Variants in NEBL observed in about 807,000 individuals in gnomAD.
NEBL encodes the protein LIM and SH3 protein 2.
Under a neutral mutation model 140.2 loss-of-function variants are expected in NEBL, and 122 were observed. That is an observed-to-expected ratio of 0.87 (90% CI 0.75 to 1.01). NEBL has a LOEUF of 1.01. Among genes scored for constraint, NEBL ranks in the 50% least tolerant of loss-of-function variants. The probability of loss-of-function intolerance (pLI) is 0.00; values close to 1 mark genes in which losing one functional copy is unlikely to be tolerated. For missense variants in NEBL, 1,365 were observed against 1,231.3 expected (o/e 1.11, Z -1.62); for synonymous variants, 436 against 398.9 (o/e 1.09, Z -1.11).
chr10:21,004,046 T>C (rs962052962), intron 3 of NEBL, among the ~76,000 whole-genome samples: 1 of 152,220 alleles, frequency 6.6e-6, no homozygotes, highest in Non-Finnish European at 1.5e-5. Context: ...GAATGCATTG[T>C]AACCTGAAAT....
chr10:20,791,906 C>T (rs549112404), intron 26 of NEBL, among the ~76,000 whole-genome samples: 1 of 152,010 alleles, frequency 6.6e-6, no homozygotes, highest in Admixed American at 6.6e-5. Flanking sequence ...CTTTGTATGC[C>T]ATCATTTAAT....
chr10:21,161,407 C>T (rs1353149005), intron 2 of NEBL, among the ~76,000 whole-genome samples: 1 of 151,972 alleles, frequency 6.6e-6, no homozygotes, highest in Non-Finnish European at 1.5e-5. Flanking sequence ...ATTCAGACAG[C>T]CAAAAGAACT....
At chr10:20,812,435 A>C (rs1268652816) in intron 24 of NEBL, among the ~76,000 whole-genome samples, 1 of 151,236 alleles carries the variant, frequency 6.6e-6, no homozygotes, top group Non-Finnish European at 1.5e-5. Flanking sequence ...CTCGTCATTT[A>C]CATTAGGTGT....
At chr10:21,125,807 A>C (rs1838797481) in intron 2 of NEBL, 11 of 1,566,622 alleles carry the variant, frequency 7.0e-6, no homozygotes, top group African/African-American at 2.7e-5. Flanking sequence ...GGTATAAGAC[A>C]GTGTCCTTCA....
In NEBL at chr10:21,236,889, CT is replaced by C. The variant is rs376388218; in HGVS notation, n.348+11031del. ...GTTTCACATCTTAAATAAATTAGTT[CT>C]CATAACTACCTAGTAAGATAGGTAC... On this transcript the variant is annotated intron_variant and non_coding_transcript_variant, in intron 3 of 8. Transcript: ENST00000675702. Among the ~76,000 whole-genome samples the C allele has an allele frequency of 6.5e-3, 985 of 152,254 alleles. 8 individuals are homozygous for C. The highest frequency in any genetic ancestry group is 0.023 in the African/African-American group (936 of 41,522).
In NEBL at chr10:21,227,983, A is replaced by C. The variant is rs1187484336; in HGVS notation, n.348+19938T>G. 2.0e-5 allele frequency among the ~76,000 whole-genome samples: 3 copies of C among 152,168 alleles called. No individual in the cohort carries two copies. The South Asian group carries it at 6.2e-4, about 32-fold the overall frequency. ...ATTTACATTTACATTCTTAAAAGGC[A>C]GTTCCAAAATGGTCTGATTTTGAGA... On this transcript the variant is annotated intron_variant and non_coding_transcript_variant, in intron 3 of 8. Transcript: ENST00000675702.
At chr10:21,086,254 T>C (rs1237712827) in intron 2 of NEBL, among the ~76,000 whole-genome samples, 1 of 152,172 alleles carries the variant, frequency 6.6e-6, no homozygotes, top group African/African-American at 2.4e-5. Flanking sequence ...CAGAAAAATA[T>C]TAGCTTATCC....
intron 3 of NEBL, among the ~76,000 whole-genome samples, chr10:21,217,250 A>T (rs1842006855): frequency 6.6e-6 from 1 of 152,200 alleles, no homozygotes; most frequent in Non-Finnish European, 1.5e-5. Flanking sequence ...GGTCATGGAG[A>T]GGAATCCAGA....
chr10:20,869,812 G>A lies in NEBL; in HGVS notation c.510C>T (p.Thr170=), dbSNP rs1354560854. 2.5e-6 allele frequency: 4 copies of A among 1,613,018 alleles called. No individual in the cohort carries two copies. The highest frequency in any genetic ancestry group is 1.1e-5 in the South Asian group (1 of 91,064). ...NISYRKDVQD[T]HTYSAELDRP... ...GGTCAAGTTCTGCACTGTACGTGTG[G>A]GTGTCCTGCACGTCTTTCCTATAAG... The change falls in exon 6 of 28, where the codon ACC becomes ACT. Residue 170 remains threonine (T), a synonymous_variant. Transcript: ENST00000377122.
intron 3 of NEBL, among the ~76,000 whole-genome samples, chr10:21,005,145 G>A (rs1838082434): frequency 6.6e-6 from 1 of 152,166 alleles, no homozygotes; most frequent in Admixed American, 6.5e-5. Flanking sequence ...AATTGCAGCT[G>A]TTAACAGTCC....
chr10:20,895,731 A>T (rs1229909842), intron 2 of NEBL, among the ~76,000 whole-genome samples: 1 of 152,190 alleles, frequency 6.6e-6, no homozygotes, highest in South Asian at 2.1e-4. Context: ...AAAGGGTATG[A>T]TTTCCACCAG....
At position 20,931,676 on chromosome 10, in the gene NEBL, C is replaced by T. The variant is rs777519295; in HGVS notation, c.357+29996G>A. Among the ~76,000 whole-genome samples the T allele has an allele frequency of 5.2e-4, 79 of 152,196 alleles. 2 individuals carry two copies. Among genetic ancestry groups the T allele is most frequent in the Admixed American group, 8.5e-4 (13 of 15,306 alleles). ...GAAAGAGTCTCCGGCCCATGCAGGGCGCAGAAGTTAGAGCCACCTGACATG... is the reference window on the plus strand; with the variant it reads ...GAAAGAGTCTCCGGCCCATGCAGGGTGCAGAAGTTAGAGCCACCTGACATG... On this transcript the variant is annotated intron_variant, in intron 4 of 6. Transcript: ENST00000417816.
chr10:21,099,243 AC>A (rs1244662027), intron 2 of NEBL, among the ~76,000 whole-genome samples: 7 of 152,236 alleles, frequency 4.6e-5, no homozygotes, highest in Non-Finnish European at 8.8e-5. Context: ...ACTAAAAGTG[AC>A]GGGTATGAAT....
chr10:20,791,165 A>G (rs1381257441), intron 26 of NEBL, among the ~76,000 whole-genome samples: 5 of 152,240 alleles, frequency 3.3e-5, no homozygotes, highest in Non-Finnish European at 7.3e-5. Flanking sequence ...TTTATTGACC[A>G]AAGATCTAGA....
intron 1 of NEBL, among the ~76,000 whole-genome samples, chr10:21,277,140 C>CA (rs1014293402): frequency 2.8e-4 from 40 of 144,856 alleles, no homozygotes; most frequent in South Asian, 6.7e-4. Flanking sequence ...AAAACAAAAA[C>CA]AAAAAAAAAC....
At chr10:20,960,428 T>C (rs1255460214) in intron 4 of NEBL, among the ~76,000 whole-genome samples, 2 of 151,938 alleles carry the variant, frequency 1.3e-5, no homozygotes, top group African/African-American at 2.4e-5. Context: ...AAGAGACAAA[T>C]GTCATGAAGT....
intron 24 of NEBL, among the ~76,000 whole-genome samples, chr10:20,812,009 T>C (rs1425544704): frequency 6.6e-6 from 1 of 152,170 alleles, no homozygotes; most frequent in African/African-American, 2.4e-5. Flanking sequence ...GGAATAAAAG[T>C]TTGCTCTCTT....
chr10:21,080,534 G>T (rs1304856424), intron 2 of NEBL, among the ~76,000 whole-genome samples: 1 of 152,226 alleles, frequency 6.6e-6, no homozygotes, highest in Non-Finnish European at 1.5e-5. Flanking sequence ...GTTAGCCTTG[G>T]ATCTTAGGGT....
chr10:21,105,897 T>G (rs1406130797), intron 2 of NEBL, among the ~76,000 whole-genome samples: 1 of 152,226 alleles, frequency 6.6e-6, no homozygotes, highest in Non-Finnish European at 1.5e-5. Context: ...CATGAGATGG[T>G]ACCTCATTGT....
Sources: gnomAD v4.1 joint callset for allele counts (sites outside exome capture counted in the v4.1 genomes callset) on GRCh38, gnomAD v4.1.1 for gene constraint, MANE v1.5 for transcripts, NCBI Gene and HGNC (gene_info 2026-07-23, HGNC 2026-07-21) for gene names.